USP42: variants seen among roughly 807,000 people sequenced by gnomAD.
USP42 encodes the protein ubiquitin carboxyl-terminal hydrolase 42.
A neutral mutation model predicts 113.0 loss-of-function variants in USP42; 23 were observed. The observed-to-expected ratio is 0.20, with a 90% CI of 0.15 to 0.29. The LOEUF (loss-of-function observed/expected upper bound fraction) is 0.29, where lower values mean the gene tolerates loss of function less well. USP42 is among the 10% of genes least tolerant of loss of function. The probability of loss-of-function intolerance (pLI) is 1.00; values close to 1 mark genes in which losing one functional copy is unlikely to be tolerated. For missense variants in USP42, 2,174 were observed against 1,779.8 expected, an observed-to-expected ratio of 1.22 and a Z score of -3.99; for synonymous variants, 933 against 699.0, an observed-to-expected ratio of 1.33 and a Z score of -5.28.
intron 1 of USP42, among the ~76,000 whole-genome samples, chr7:6,105,404 G>A (rs1779214773): frequency 6.7e-6 from 1 of 149,204 alleles, no homozygotes; most frequent in African/African-American, 2.4e-5. Context: ...GCAGGCGGGA[G>A]GCTCGGGGCG....
At chr7:6,126,288 C>CT (rs56398714) in intron 3 of USP42, among the ~76,000 whole-genome samples, 1,769 of 142,762 alleles carry the variant, frequency 0.012, 21 homozygotes, top group African/African-American at 0.034. Flanking sequence ...GCCACAGTTT[C>CT]TTTTTTTTTT....
At chr7:6,113,124 C>A (rs531298604) in intron 2 of USP42, among the ~76,000 whole-genome samples, 13 of 151,940 alleles carry the variant, frequency 8.6e-5, no homozygotes, top group African/African-American at 2.9e-4. Flanking sequence ...AGGCTGGTTT[C>A]AAACTTATAA....
chr7:6,092,209 G>A, the USP42 span, among the ~76,000 whole-genome samples: 21 of 109,566 alleles, frequency 1.9e-4, no homozygotes, highest in Admixed American at 2.2e-3. Flanking sequence ...ACAGATTCTC[G>A]CTTTGTCGCC....
chr7:6,146,341 A>AG, intron 11 of USP42, 93 bp downstream of exon 11: 1 of 823,976 alleles, frequency 1.2e-6, no homozygotes, highest in East Asian at 2.8e-5. Flanking sequence ...GTGTTTTAAA[A>AG]AAAAAAAAAA....
chr7:6,125,582 G>A (rs902586328), intron 3 of USP42, among the ~76,000 whole-genome samples: 1 of 152,104 alleles, frequency 6.6e-6, no homozygotes, highest in Non-Finnish European at 1.5e-5. Context: ...TTGTGCTATT[G>A]TTGTCATGCG....
intron 4 of USP42, among the ~76,000 whole-genome samples, chr7:6,137,902 A>AG (rs1489989481): frequency 1.3e-5 from 2 of 151,902 alleles, no homozygotes; most frequent in Admixed American, 1.3e-4. Flanking sequence ...GATGGCCTCG[A>AG]TATCCTGACC....
In USP42 at chr7:6,159,474, CA is replaced by C. The variant is rs1369975345; in HGVS notation, c.*23del. 7 of 1,613,610 alleles carry C rather than the reference CA, an allele frequency of 4.3e-6. No homozygotes were observed. Among genetic ancestry groups the C allele is most frequent in the East Asian group, 4.5e-5 (2 of 44,888 alleles). Reference sequence around the variant, plus strand: ...GGTGATTGAAAACTCAGCCTCAAAACAAAAAATTCACTAGTTATGGTAAGCT... The same window carrying C: ...GGTGATTGAAAACTCAGCCTCAAAACAAAAATTCACTAGTTATGGTAAGCT... On this transcript the variant is annotated 3_prime_UTR_variant, in exon 17 of 18. Transcript: ENST00000306177. The surrounding 1 kb of genome is among the most constrained non-coding windows in gnomAD (Gnocchi z 4.1).
intron 3 of USP42, among the ~76,000 whole-genome samples, chr7:6,119,213 T>G (rs558207061): frequency 7.2e-5 from 11 of 152,140 alleles, no homozygotes; most frequent in South Asian, 2.1e-4. Flanking sequence ...AGATGCTGTC[T>G]CAAAAAAAAA....
At chr7:6,087,526 G>A in the USP42 span, among the ~76,000 whole-genome samples, 2 of 148,354 alleles carry the variant, frequency 1.3e-5, no homozygotes, top group South Asian at 2.1e-4. Flanking sequence ...TTGTAGAGAT[G>A]GGGTCTTGCC....
At chr7:6,146,463 C>T (rs906045393) in intron 11 of USP42, among the ~76,000 whole-genome samples, 49 of 152,084 alleles carry the variant, frequency 3.2e-4, no homozygotes, top group African/African-American at 9.2e-4. Flanking sequence ...AGTTCGAGAC[C>T]GACCAGCCTG....
At chr7:6,155,931 T>C (rs1782423872) in intron 15 of USP42, among the ~76,000 whole-genome samples, 1 of 152,294 alleles carries the variant, frequency 6.6e-6, no homozygotes, top group African/African-American at 2.4e-5. Context: ...GCTAATTTTT[T>C]ATTTTTGTAA....
chr7:6,144,369 G>A, intron 9 of USP42, among the ~76,000 whole-genome samples, 173 bp downstream of exon 9: 1 of 152,180 alleles, frequency 6.6e-6, no homozygotes, highest in East Asian at 1.9e-4. Flanking sequence ...AGGGGATACA[G>A]GGAGAGCCTG....
In USP42 at chr7:6,159,460, A is replaced by C; in HGVS notation, c.*3A>C. ...ACCTTTGCTTTCTAGGTGATTGAAA[A>C]CTCAGCCTCAAAACAAAAAATTCAC... On this transcript the variant is annotated 3_prime_UTR_variant, in exon 17 of 18. Coordinates refer to ENST00000306177, the MANE Select transcript of USP42 (RefSeq NM_032172.3). This position sits in a 1 kb window ranked among gnomAD's most constrained non-coding sequence, Gnocchi z 4.1. The C allele has an allele frequency of 6.2e-7, 1 of 1,613,524 alleles. No homozygotes were observed. Among genetic ancestry groups the C allele is most frequent in the African/African-American group, 1.3e-5 (1 of 74,870 alleles).
intron 4 of USP42, among the ~76,000 whole-genome samples, chr7:6,136,419 A>G (rs1385987911): frequency 6.6e-6 from 1 of 152,194 alleles, no homozygotes; most frequent in African/African-American, 2.4e-5. Context: ...ATTTTTAGTA[A>G]AACATTTGCT....
rs1242933809 is a variant in USP42, at chr7:6,154,094, C to G, written c.2540C>G (p.Ala847Gly). ...ATCGCGGAGGGCCCGCGGGACTCGG[C>G]GTTGGCGGAAGCCCCGGAAGGGTTG... ...GMIAEGPRDS[A>G]LAEAPEGLSP... The change falls in exon 15 of 18, where the codon GCG becomes GGG. Residue 847 changes from alanine to glycine, a missense_variant. Physicochemically the swap from Ala to Gly is moderately conservative, Grantham distance 60. Coordinates refer to ENST00000306177, the MANE Select transcript of USP42 (RefSeq NM_032172.3). The G allele has an allele frequency of 6.2e-7, 1 of 1,604,986 alleles. No homozygotes were observed. The highest frequency in any genetic ancestry group is 1.7e-5 in the Admixed American group (1 of 59,944).
At position 6,151,251 on chromosome 7, in the gene USP42, C is replaced by G. The variant is rs547093035; in HGVS notation, c.2201+745C>G. Among the ~76,000 whole-genome samples the G allele has an allele frequency of 9.2e-5, 14 of 152,308 alleles. No individual in the cohort carries two copies. In the South Asian group the frequency reaches 2.7e-3, roughly 29 times the overall value. On this transcript the variant is annotated intron_variant, in intron 14 of 17. Coordinates refer to ENST00000306177, the MANE Select transcript of USP42 (RefSeq NM_032172.3). ...CTGGGACGGTACACTACTGTAGACT[C>G]TGGAAACACTGCACACTTCAGCCGC...
upstream of USP42, among the ~76,000 whole-genome samples, chr7:6,102,159 A>G (rs1173993583): frequency 7.5e-6 from 1 of 133,952 alleles, no homozygotes; most frequent in Non-Finnish European, 1.5e-5. Flanking sequence ...TCTGTTGCCC[A>G]GGCTAGAGTG....
chr7:6,089,210 A>G, the USP42 span, among the ~76,000 whole-genome samples: 2 of 148,166 alleles, frequency 1.3e-5, no homozygotes, highest in Non-Finnish European at 3.0e-5. Flanking sequence ...ACGCCTGGCT[A>G]ATTTTTTTTT....
chr7:6,093,879 G>A, the USP42 span, among the ~76,000 whole-genome samples: 10 of 150,906 alleles, frequency 6.6e-5, no homozygotes, highest in Non-Finnish European at 1.3e-4. Flanking sequence ...AGAAAAAGGA[G>A]GATCAACTAC....
Sources: gnomAD v4.1 joint callset for allele counts (sites outside exome capture counted in the v4.1 genomes callset) on GRCh38, gnomAD v4.1.1 for gene constraint, Gnocchi (gnomAD v3.1) non-coding constraint, MANE v1.5 for transcripts, NCBI Gene and HGNC (gene_info 2026-07-23, HGNC 2026-07-21) for gene names.